Variants in KCNC2 observed in about 807,000 individuals in gnomAD.
The protein encoded by KCNC2 is voltage-gated potassium channel KCNC2.
A neutral mutation model predicts 44.5 loss-of-function variants in KCNC2; 21 were observed. The ratio of observed to expected loss-of-function variants is 0.47; its 90% CI spans 0.33 to 0.68. The LOEUF (loss-of-function observed/expected upper bound fraction) is 0.68. Among genes scored for constraint, KCNC2 ranks in the 30% least tolerant of loss-of-function variants. The probability of loss-of-function intolerance (pLI) is 0.01; values close to 1 mark genes in which losing one functional copy is unlikely to be tolerated. For synonymous variants in KCNC2, 391 were observed against 339.1 expected (o/e 1.15, Z -1.68); for missense variants, 589 against 826.2 (o/e 0.71, Z 3.52).
intron 2 of KCNC2, among the ~76,000 whole-genome samples, chr12:75,108,878 T>C (rs1464229194): frequency 1.3e-5 from 2 of 152,206 alleles, no homozygotes; most frequent in East Asian, 3.9e-4. Context: ...TATTCCAAAA[T>C]AATATTTTCA....
intron 2 of KCNC2, among the ~76,000 whole-genome samples, chr12:75,070,824 A>G (rs1053396855): frequency 1.3e-5 from 2 of 152,134 alleles, no homozygotes; most frequent in Non-Finnish European, 2.9e-5. Context: ...AAATATTTCG[A>G]TAAACTATTT....
At chr12:75,142,408 G>A (rs902290766) in intron 2 of KCNC2, among the ~76,000 whole-genome samples, 1 of 152,176 alleles carries the variant, frequency 6.6e-6, no homozygotes, top group African/African-American at 2.4e-5. Context: ...TAGAATCTGT[G>A]TGCTAAACAG....
intron 2 of KCNC2, among the ~76,000 whole-genome samples, chr12:75,072,233 C>A (rs1056989005): frequency 6.6e-6 from 1 of 152,114 alleles, no homozygotes; most frequent in Non-Finnish European, 1.5e-5. Flanking sequence ...ACCATTTAAT[C>A]AAAAGGGAGA....
At chr12:75,044,071 C>T (rs1880212211) in intron 4 of KCNC2, among the ~76,000 whole-genome samples, 1 of 151,892 alleles carries the variant, frequency 6.6e-6, no homozygotes, top group African/African-American at 2.4e-5. Context: ...AGTCTTATTC[C>T]TTAGCTACTT....
chr12:75,182,547 C>CAAA (rs566786640), intron 2 of KCNC2, among the ~76,000 whole-genome samples: 119 of 133,438 alleles, frequency 8.9e-4, no homozygotes, highest in Admixed American at 2.8e-3. Context: ...ACAAAAAAAA[C>CAAA]AAAAAAAAAC....
chr12:75,117,632 C>T (rs1887763874), intron 2 of KCNC2, among the ~76,000 whole-genome samples: 1 of 151,962 alleles, frequency 6.6e-6, no homozygotes. Flanking sequence ...TATTAGAACT[C>T]TTAGGTTTGG....
chr12:75,152,338 AC>A (rs1460812299), intron 2 of KCNC2, among the ~76,000 whole-genome samples: 1 of 151,816 alleles, frequency 6.6e-6, no homozygotes, highest in Non-Finnish European at 1.5e-5. Flanking sequence ...CAAAAAATAA[AC>A]AAAAACACGT....
intron 2 of KCNC2, among the ~76,000 whole-genome samples, chr12:75,187,896 T>A (rs189173162): frequency 2.8e-4 from 43 of 152,344 alleles, no homozygotes; most frequent in Non-Finnish European, 2.9e-5. Flanking sequence ...ATTGCCTTTG[T>A]GTATAATTAT....
chr12:75,058,864 C>A (rs1331643739), intron 2 of KCNC2, among the ~76,000 whole-genome samples: 1 of 152,140 alleles, frequency 6.6e-6, no homozygotes, highest in East Asian at 1.9e-4. Context: ...TCCAATGAAG[C>A]CCCATATTAC....
At chr12:75,124,817 T>C (rs1888286790) in intron 2 of KCNC2, 1 of 152,118 alleles carries the variant, frequency 6.6e-6, no homozygotes, top group South Asian at 2.1e-4. Context: ...TTAATAAGAA[T>C]TTATCGGCCG....
chr12:75,160,830 A>T (rs927704162), intron 2 of KCNC2, among the ~76,000 whole-genome samples: 1 of 151,824 alleles, frequency 6.6e-6, no homozygotes, highest in Non-Finnish European at 1.5e-5. Context: ...TTCACATATA[A>T]TATGTATGGT....
At chr12:75,159,841 T>G (rs1390237980) in intron 2 of KCNC2, among the ~76,000 whole-genome samples, 5 of 151,874 alleles carry the variant, frequency 3.3e-5, no homozygotes, top group African/African-American at 7.2e-5. Context: ...ATTCTGTAGT[T>G]CAGCCAAGTT....
At position 75,040,375 on chromosome 12, in the gene KCNC2, A is replaced by G. The variant is rs972987754; in HGVS notation, c.*2730T>C. The G allele has an allele frequency of 6.6e-6, 1 of 152,306 alleles. No individual in the cohort carries two copies. The highest frequency in any genetic ancestry group is 2.4e-5 in the African/African-American group (1 of 41,440). The allele number at this position is 152,306 out of a possible 1,614,324, so 9.4% of individuals were successfully genotyped here. On this transcript the variant is annotated 3_prime_UTR_variant, in exon 5 of 5. Transcript: ENST00000549446. ...ACAAGCTTCATTTGCCACAAAACTC[A>G]CAAAAAAGTAATTGATTAAAGAATA...
At chr12:75,051,843 T>C (rs1251395720) in intron 2 of KCNC2, among the ~76,000 whole-genome samples, 1 of 152,052 alleles carries the variant, frequency 6.6e-6, no homozygotes, top group African/African-American at 2.4e-5. Context: ...AAAAAAAATC[T>C]TTGCAATATG....
chr12:75,067,527 T>A (rs1054088465), intron 2 of KCNC2, among the ~76,000 whole-genome samples: 16 of 152,170 alleles, frequency 1.1e-4, no homozygotes, highest in Admixed American at 2.0e-4. Flanking sequence ...TGGGGGAATA[T>A]GGAAAGGCTT....
intron 2 of KCNC2, among the ~76,000 whole-genome samples, chr12:75,165,326 A>T (rs1220503495): frequency 6.6e-6 from 1 of 151,560 alleles, no homozygotes; most frequent in African/African-American, 2.4e-5. Flanking sequence ...TTTTAATCAT[A>T]CACTTAAAGA....
intron 2 of KCNC2, among the ~76,000 whole-genome samples, chr12:75,095,512 C>A (rs1324899194): frequency 6.6e-6 from 1 of 151,804 alleles, no homozygotes; most frequent in Non-Finnish European, 1.5e-5. Flanking sequence ...TGTTTTCCTT[C>A]ATTCCTCCAG....
chr12:75,107,711 G>GA (rs35026221), intron 2 of KCNC2, among the ~76,000 whole-genome samples: 1,971 of 151,020 alleles, frequency 0.013, 37 homozygotes, highest in African/African-American at 0.045. Flanking sequence ...GATGGCAACT[G>GA]AAAAAAAAAT....
At chr12:75,119,781 C>A (rs1264776313) in intron 2 of KCNC2, among the ~76,000 whole-genome samples, 2 of 152,116 alleles carry the variant, frequency 1.3e-5, no homozygotes, top group African/African-American at 4.8e-5. Flanking sequence ...ACAACCTCCA[C>A]CACAAAGATT....
Sources: allele counts gnomAD v4.1 joint callset (sites outside exome capture counted in the v4.1 genomes callset), GRCh38; gene constraint gnomAD v4.1.1; transcripts MANE v1.5; gene names NCBI Gene and HGNC (gene_info 2026-07-23, HGNC 2026-07-21).